CD163L1: variants seen among roughly 807,000 people sequenced by gnomAD.
The protein encoded by CD163L1 is scavenger receptor cysteine-rich type 1 protein M160.
A neutral mutation model predicts 165.4 loss-of-function variants in CD163L1; 124 were observed. The observed-to-expected ratio is 0.75, with a 90% confidence interval of 0.65 to 0.87. The LOEUF (loss-of-function observed/expected upper bound fraction) is 0.87, where lower values mean the gene tolerates loss of function less well. CD163L1 is among the 40% of genes least tolerant of loss of function. The pLI, the probability that CD163L1 is intolerant of heterozygous loss-of-function variation, is 0.00. For synonymous variants in CD163L1, 585 were observed against 662.2 expected (o/e 0.88, Z 1.79); for missense variants, 1,525 against 1,799.9 (o/e 0.85, Z 2.76).
chr12:7,413,752 G>T (rs1948183613), intron 4 of CD163L1, among the ~76,000 whole-genome samples: 2 of 152,204 alleles, frequency 1.3e-5, no homozygotes, highest in Non-Finnish European at 2.9e-5. Context: ...TGATTCTGCT[G>T]AATAGAGAGG....
intron 4 of CD163L1, among the ~76,000 whole-genome samples, chr12:7,421,470 T>TATATAC (rs1555202366): frequency 8.0e-6 from 1 of 124,814 alleles, no homozygotes; most frequent in Admixed American, 8.1e-5. Flanking sequence ...TATACATATA[T>TATATAC]ATACATATAT....
chr12:7,409,282 T>A (rs925001468), intron 4 of CD163L1, among the ~76,000 whole-genome samples: 2 of 152,160 alleles, frequency 1.3e-5, no homozygotes, highest in African/African-American at 4.8e-5. Context: ...TTATGTAAAA[T>A]CTGCCTAAAT....
At chr12:7,323,568 G>T in the CD163L1 span, 1 of 1,606,584 alleles carries the variant, frequency 6.2e-7, no homozygotes, top group Non-Finnish European at 8.5e-7. Context: ...GTGGTATGAG[G>T]ATAGAAAGTG....
chr12:7,379,153 T>C lies in CD163L1; in HGVS notation c.2196A>G (p.Glu732=). The change falls in exon 9 of 20, where the codon GAA becomes GAG. Residue 732 remains glutamate, a synonymous_variant. Transcript: ENST00000313599. ...NIAEVVCRQL[E]CGSAIRVSRE... ...TGGAGACCCTGATTGCAGACCCACA[T>C]TCAAGTTGCCTGCAAACAACTTCAG... 6.2e-7 allele frequency: 1 copy of C among 1,614,114 alleles called. No homozygotes were observed. The highest frequency in any genetic ancestry group is 8.5e-7 in the Non-Finnish European group (1 of 1,180,006).
chr12:7,322,161 A>G, the CD163L1 span, among the ~76,000 whole-genome samples: 3 of 152,142 alleles, frequency 2.0e-5, no homozygotes, highest in Non-Finnish European at 4.4e-5. Flanking sequence ...GCCTTTTTAC[A>G]TCTTTAATAG....
chr12:7,417,384 T>A (rs776723715), intron 4 of CD163L1, among the ~76,000 whole-genome samples: 20 of 152,146 alleles, frequency 1.3e-4, no homozygotes, highest in African/African-American at 4.6e-4. Flanking sequence ...TTCCTCTCCT[T>A]CTATTTGAAT....
chr12:7,367,943 T>G (rs1947056950), intron 17 of CD163L1, 144 bp downstream of exon 17: 1 of 617,536 alleles, frequency 1.6e-6, no homozygotes, highest in Non-Finnish European at 2.9e-6. Context: ...TCATTCCACA[T>G]GTTTCTGCAT....
rs1947045120 is a variant in CD163L1, at chr12:7,367,313, C to A, written c.4202G>T (p.Gly1401Val). Reference protein sequence around the residue: ...LPLRVSTRRRGSLEENLFHEM... With the variant: ...LPLRVSTRRRVSLEENLFHEM... ...ATGGAATAAATTCTCCTCGAGAGAA[C>A]CCCTCCTTCTGGTTGAAACTGAGAA... The change falls in exon 18 of 20, where the codon GGT (glycine) becomes GTT (valine). Residue 1401 changes from glycine (G) to valine (V), a missense_variant. Transcript: ENST00000313599. 6.2e-7 allele frequency: 1 copy of A among 1,612,512 alleles called. No individual in the cohort carries two copies. Among genetic ancestry groups the A allele is most frequent in the African/African-American group, 1.3e-5 (1 of 74,846 alleles).
At chr12:7,393,886 G>A (rs1350322034) in intron 8 of CD163L1, among the ~76,000 whole-genome samples, 1 of 152,028 alleles carries the variant, frequency 6.6e-6, no homozygotes, top group Non-Finnish European at 1.5e-5. Context: ...CTTCTTCAAG[G>A]AGAACTACAA....
At chr12:7,431,731 T>C (rs11053834) in intron 4 of CD163L1, among the ~76,000 whole-genome samples, 1 of 151,820 alleles carries the variant, frequency 6.6e-6, no homozygotes, top group African/African-American at 2.4e-5. Flanking sequence ...TGTTGTGCAC[T>C]TGTACCCTAG....
chr12:7,396,361 C>T lies in CD163L1; in HGVS notation c.1784G>A (p.Arg595Lys). Residue 595 changes from arginine to lysine, a missense_variant, in exon 8 of 20, where the codon AGA becomes AAA. Physicochemically the swap from Arg to Lys is conservative, Grantham distance 26. Coordinates refer to ENST00000313599, the MANE Select transcript of CD163L1 (RefSeq NM_174941.6). ...LVGGSNRCSG[R>K]LEVYFQGRWG... ...CCGTCCTTGAAAGTACACCTCCAGT[C>T]TTCCCGAGCAGCGGTTGCTGCCGCC... 6.2e-6 allele frequency: 10 copies of T among 1,612,718 alleles called. No individual in the cohort carries two copies. Among genetic ancestry groups the T allele is most frequent in the Non-Finnish European group, 8.5e-6 (10 of 1,178,834 alleles).
exon 5 of CD163L1, chr12:7,346,717 C>T (rs1053086410): frequency 2.0e-5 from 3 of 152,086 alleles, no homozygotes; most frequent in African/African-American, 2.4e-5. Flanking sequence ...ATTATGCTTA[C>T]AAAACCCTCA....
intron 18 of CD163L1, among the ~76,000 whole-genome samples, chr12:7,362,343 ATAT>A (rs1339065722): frequency 7.2e-6 from 1 of 138,334 alleles, no homozygotes; most frequent in East Asian, 2.0e-4. Context: ...AATATGAAAT[ATAT>A]TATAATATAA....
intron 18 of CD163L1, among the ~76,000 whole-genome samples, chr12:7,366,688 A>G (rs914228297): frequency 4.6e-5 from 7 of 152,184 alleles, no homozygotes; most frequent in African/African-American, 1.7e-4. Flanking sequence ...TGTTATAGCT[A>G]TTGGAAAGTC....
intron 4 of CD163L1, among the ~76,000 whole-genome samples, chr12:7,421,167 GTATATATGTA>G (rs1451896705): frequency 1.5e-5 from 2 of 129,814 alleles, no homozygotes; most frequent in African/African-American, 5.7e-5. Flanking sequence ...GTATATATAT[GTATATATGTA>G]TATATATGTG....
intron 6 of CD163L1, among the ~76,000 whole-genome samples, chr12:7,399,948 T>C (rs1947884887): frequency 6.6e-6 from 1 of 152,198 alleles, no homozygotes; most frequent in South Asian, 2.1e-4. Flanking sequence ...TAATATTTTA[T>C]AATGGGTCAC....
rs1217962587 is a variant in CD163L1 at position 7,421,041 on chromosome 12, A to ATATATATACGTATATATATATACGTG, written c.766+11374_766+11375insCACGTATATATATATACGTATATATA. Among the ~76,000 whole-genome samples the ATATATATACGTATATATATATACGTG allele has an allele frequency of 2.4e-4, 26 of 108,598 alleles. 1 individual carries two copies. The highest frequency in any genetic ancestry group is 1.1e-3 in the African/African-American group (23 of 21,326). 71.2% of individuals were successfully genotyped at this position (108,598 alleles called of 152,430 possible). A position where few individuals can be genotyped will look rare whatever the true frequency, so the allele number is the denominator to read the frequency against. ...TATATATACATATATATATACGTGT[A>ATATATATACGTATATATATATACGTG]TATATATGTATATACGTATATATGT... On this transcript the variant is annotated intron_variant, in intron 4 of 19. Transcript: ENST00000313599.
chr12:7,421,484 C>CATATATACATATATATACACACATATGT (rs1555202376), intron 4 of CD163L1, among the ~76,000 whole-genome samples: 4,033 of 100,282 alleles, frequency 0.04, 542 homozygotes, highest in Admixed American at 0.13. Flanking sequence ...CATATATGTA[C>CATATATACATATATATACACACATATGT]ATATATACAT....
At position 7,347,388 on chromosome 12, in the gene CD163L1, G is replaced by A. The variant is rs189488650; in HGVS notation, c.*25-241C>T. On this transcript the variant is annotated intron_variant, in intron 4 of 4. Coordinates refer to the CD163L1 transcript ENST00000539726. This position sits in a 1 kb window ranked among gnomAD's most constrained non-coding sequence, Gnocchi z 4.2. ...TTCTTTGTAACCCAATCTCTGGGAT[G>A]TTAAAAGTTAGCCTAATAGTTTTCT... Among the ~76,000 whole-genome samples the A allele has an allele frequency of 9.3e-4, 142 of 152,304 alleles. No homozygotes were observed. The highest frequency in any genetic ancestry group is 2.2e-3 in the Admixed American group (33 of 15,300).
Sources: allele counts gnomAD v4.1 joint callset (sites outside exome capture counted in the v4.1 genomes callset), GRCh38; gene constraint gnomAD v4.1.1; non-coding constraint Gnocchi (gnomAD v3.1); transcripts MANE v1.5; gene names NCBI Gene and HGNC (gene_info 2026-07-23, HGNC 2026-07-21).